GRM5: variants seen among roughly 807,000 people sequenced by gnomAD.
GRM5 encodes the protein glutamate metabotropic receptor 5, also known as metabotropic glutamate receptor 5.
A neutral mutation model predicts 83.1 loss-of-function variants in GRM5; 19 were observed. The ratio of observed to expected loss-of-function variants is 0.23; its 90% CI spans 0.16 to 0.34. GRM5 has a LOEUF of 0.34. GRM5 is among the 10% of genes least tolerant of loss of function. The pLI is 1.00. For synonymous variants in GRM5, 675 were observed against 633.6 expected (o/e 1.07, Z -0.98); for missense variants, 1,160 against 1,588.3 (o/e 0.73, Z 4.58).
intron 4 of GRM5, among the ~76,000 whole-genome samples, chr11:88,624,306 G>A (rs926227615): frequency 1.3e-5 from 2 of 152,170 alleles, no homozygotes; most frequent in African/African-American, 2.4e-5. Context: ...CCCATTATCT[G>A]TGACTATTTG....
chr11:88,831,500 G>A (rs1476114379), intron 3 of GRM5, among the ~76,000 whole-genome samples: 1 of 152,182 alleles, frequency 6.6e-6, no homozygotes, highest in East Asian at 1.9e-4. Context: ...TTCAGCCCAT[G>A]CCTACCACAG....
rs191403252 is a variant in GRM5 at position 88,911,028 on chromosome 11, C to G, written c.662-60873G>C. Among the ~76,000 whole-genome samples the G allele has an allele frequency of 4.6e-5, 7 of 152,158 alleles. No individual in the cohort carries two copies. In the South Asian group the frequency reaches 1.5e-3, roughly 32 times the overall value. On this transcript the variant is annotated intron_variant, in intron 2 of 9. Transcript: ENST00000305447. ...AATGCTCTAAAATAACAAGCGAATGCGTCCAGTCATGTTTGGAAAAAAAAT... is the reference window on the plus strand; with the variant it reads ...AATGCTCTAAAATAACAAGCGAATGGGTCCAGTCATGTTTGGAAAAAAAAT...
rs549896530 is a variant in GRM5 at position 88,797,006 on chromosome 11, A to G, written c.911+52900T>C. Among the ~76,000 whole-genome samples the G allele has an allele frequency of 3.9e-5, 6 of 152,056 alleles. No homozygotes were observed. The East Asian group carries it at 1.2e-3, about 30-fold the overall frequency. ...GATAATTTCTTAGTACAGAGTGGAC[A>G]AACAGGAAATGTTTGCTGTTGAATT... On this transcript the variant is annotated intron_variant, in intron 3 of 9. Transcript: ENST00000305447.
intron 3 of GRM5, among the ~76,000 whole-genome samples, chr11:88,709,574 T>C (rs1941237551): frequency 1.3e-5 from 2 of 152,072 alleles, no homozygotes; most frequent in South Asian, 2.1e-4. Context: ...GGAAATGCTC[T>C]GGAGAGGAGG....
intron 2 of GRM5, among the ~76,000 whole-genome samples, chr11:88,956,700 A>G (rs1693788236): frequency 6.6e-6 from 1 of 152,176 alleles, no homozygotes; most frequent in African/African-American, 2.4e-5. Context: ...CAGCTCCTCG[A>G]GAGGCTGAGG....
At chr11:88,719,633 G>A (rs937271082) in intron 3 of GRM5, among the ~76,000 whole-genome samples, 1 of 152,004 alleles carries the variant, frequency 6.6e-6, no homozygotes, top group African/African-American at 2.4e-5. Context: ...TTGAGGAATT[G>A]CCACACTGAG....
chr11:88,520,120 T>G (rs1941640808), intron 9 of GRM5, among the ~76,000 whole-genome samples: 1 of 152,152 alleles, frequency 6.6e-6, no homozygotes. Flanking sequence ...AGAAAAAAAA[T>G]TATACCTTCT....
intron 3 of GRM5, among the ~76,000 whole-genome samples, chr11:88,689,393 T>G (rs1940724468): frequency 6.6e-6 from 1 of 152,054 alleles, no homozygotes; most frequent in Non-Finnish European, 1.5e-5. Flanking sequence ...TGAAGACTTC[T>G]TAGAGAATAA....
intron 8 of GRM5, among the ~76,000 whole-genome samples, chr11:88,559,989 C>T (rs1168343565): frequency 6.6e-6 from 1 of 151,918 alleles, no homozygotes; most frequent in Non-Finnish European, 1.5e-5. Context: ...ATGAGTTGGC[C>T]AAGTGAGAGT....
chr11:88,730,372 A>AACAGG (rs1941780294), intron 3 of GRM5, among the ~76,000 whole-genome samples: 3 of 151,464 alleles, frequency 2.0e-5, no homozygotes, highest in Admixed American at 6.6e-5. Context: ...GTCAGGAAAC[A>AACAGG]TGCTGGAGAG....
intron 2 of GRM5, among the ~76,000 whole-genome samples, chr11:88,904,641 A>C (rs1472791701): frequency 1.3e-5 from 2 of 152,204 alleles, no homozygotes; most frequent in Non-Finnish European, 2.9e-5. Flanking sequence ...CAAATTACTC[A>C]TGTAAACCTA....
At chr11:88,816,142 A>G (rs9734366) in intron 3 of GRM5, among the ~76,000 whole-genome samples, 37,081 of 135,838 alleles carry the variant, frequency 0.27, 5,440 homozygotes, top group South Asian at 0.54. Flanking sequence ...GAACCCGGGA[A>G]GCGGAGCTTG....
intron 8 of GRM5, among the ~76,000 whole-genome samples, chr11:88,543,520 G>T (rs943318586): frequency 2.0e-5 from 3 of 149,894 alleles, no homozygotes; most frequent in Non-Finnish European, 4.4e-5. Flanking sequence ...AAAAAGTGCT[G>T]AATGAGAGAA....
At chr11:88,653,022 G>C in intron 4 of GRM5, 146 bp downstream of exon 4, 1 of 605,292 alleles carries the variant, frequency 1.7e-6, no homozygotes, top group Non-Finnish European at 3.0e-6. Flanking sequence ...ACTAAAACCT[G>C]TTTATCACCA....
intron 2 of GRM5, among the ~76,000 whole-genome samples, chr11:88,864,741 G>A (rs1944630973): frequency 6.6e-6 from 1 of 151,956 alleles, no homozygotes; most frequent in African/African-American, 2.4e-5. Context: ...CTTGTCTTGT[G>A]CAGGATTTCA....
intron 3 of GRM5, among the ~76,000 whole-genome samples, chr11:88,702,082 G>T (rs2135373858): frequency 6.6e-6 from 1 of 152,150 alleles, no homozygotes; most frequent in Admixed American, 6.6e-5. Flanking sequence ...TTTTAAGGTT[G>T]TCTGCTGTCC....
At chr11:88,668,414 ATTT>A (rs148851546) in intron 3 of GRM5, among the ~76,000 whole-genome samples, 21,507 of 151,128 alleles carry the variant, frequency 0.14, 1,690 homozygotes, top group Non-Finnish European at 0.18. Flanking sequence ...ATACTCAACA[ATTT>A]TTTTTCAAAA....
At chr11:88,617,608 C>G (rs577754927) in intron 4 of GRM5, among the ~76,000 whole-genome samples, 1 of 152,170 alleles carries the variant, frequency 6.6e-6, no homozygotes, top group African/African-American at 2.4e-5. Context: ...CCCAGGTAAC[C>G]CTGGCAAGGT....
intron 1 of GRM5, among the ~76,000 whole-genome samples, chr11:89,056,657 T>A (rs1240405126): frequency 5.3e-5 from 8 of 152,176 alleles, no homozygotes; most frequent in Admixed American, 3.3e-4. Flanking sequence ...GGCAGGTTTA[T>A]CCTGTAGATA....
Sources: allele counts gnomAD v4.1 joint callset (sites outside exome capture counted in the v4.1 genomes callset), GRCh38; gene constraint gnomAD v4.1.1; transcripts MANE v1.5; gene names NCBI Gene and HGNC (gene_info 2026-07-23, HGNC 2026-07-21).